FCRL1: variants seen among roughly 807,000 people sequenced by gnomAD.
FCRL1 encodes the protein Fc receptor like 1.
FCRL1 carries 34 observed loss-of-function variants against 49.2 expected under a neutral mutation model. That is an observed-to-expected ratio of 0.69 (90% CI 0.53 to 0.92). The LOEUF is 0.92. FCRL1 is among the 40% of genes least tolerant of loss of function. The pLI, the probability that FCRL1 is intolerant of heterozygous loss-of-function variation, is 0.00. For missense variants in FCRL1, 524 were observed against 524.1 expected, an observed-to-expected ratio of 1.00 and a Z score of 0.00; for synonymous variants, 218 against 201.6, an observed-to-expected ratio of 1.08 and a Z score of -0.69.
intron 1 of FCRL1, among the ~76,000 whole-genome samples, chr1:157,810,106 A>T (rs1654091361): frequency 6.6e-6 from 1 of 152,138 alleles, no homozygotes; most frequent in African/African-American, 2.4e-5. Context: ...TGATGCAGCA[A>T]CATGAAGATG....
rs1651200128 is a variant in FCRL1, at chr1:157,794,411, T to C, written c.*1688A>G. On this transcript the variant is annotated 3_prime_UTR_variant, in exon 11 of 11. Transcript: ENST00000368176. ...CAATTAAACCTCTTTCCTTTATAAATTACCCAGTCTTGGATATGTCTTTAT... is the reference window on the plus strand; with the variant it reads ...CAATTAAACCTCTTTCCTTTATAAACTACCCAGTCTTGGATATGTCTTTAT... The C allele has an allele frequency of 6.6e-6, 1 of 152,182 alleles. No homozygotes were observed. Among genetic ancestry groups the C allele is most frequent in the South Asian group, 2.1e-4 (1 of 4,830 alleles). The allele number at this position is 152,182 out of a possible 1,614,324, so 9.4% of individuals were successfully genotyped here.
In FCRL1 at chr1:157,802,374, T is replaced by C; in HGVS notation, c.607+3A>G. On this transcript the variant is annotated splice_donor_region_variant and intron_variant, in intron 4 of 10. Coordinates refer to ENST00000368176, the MANE Select transcript of FCRL1 (RefSeq NM_052938.5). ...TGGCTGAACGAAGGGTAGTGGAACT[T>C]ACTTCTGACAGTGATGCTCACCAGC... 1 of 1,613,602 alleles carries C rather than the reference T, an allele frequency of 6.2e-7. No individual in the cohort carries two copies. The highest frequency in any genetic ancestry group is 8.5e-7 in the Non-Finnish European group (1 of 1,179,660).
At position 157,801,591 on chromosome 1, in the gene FCRL1, C is replaced by A; in HGVS notation, c.887-14G>T. ...CCCCAGTAGGCACTAGAGGGAGAGA[C>A]CTGTGCATGATCTGCTCAGAGGAAG... On this transcript the variant is annotated splice_polypyrimidine_tract_variant and intron_variant, in intron 5 of 10. Transcript: ENST00000368176. The A allele has an allele frequency of 6.4e-7, 1 of 1,565,550 alleles. No homozygotes were observed. Among genetic ancestry groups the A allele is most frequent in the South Asian group, 1.1e-5 (1 of 89,930 alleles).
At chr1:157,817,857 T>C (rs1352027741) in intron 1 of FCRL1, among the ~76,000 whole-genome samples, 1 of 151,894 alleles carries the variant, frequency 6.6e-6, no homozygotes, top group Non-Finnish European at 1.5e-5. Flanking sequence ...AACAATGGTC[T>C]AATTCTCAAA....
chr1:157,814,024 C>T (rs1654705277), intron 1 of FCRL1, among the ~76,000 whole-genome samples: 1 of 152,086 alleles, frequency 6.6e-6, no homozygotes, highest in Admixed American at 6.5e-5. Context: ...AACTCTCACC[C>T]ACACAAGCAA....
intron 6 of FCRL1, 39 bp from the exon 7 acceptor site, chr1:157,800,124 A>C: frequency 1.9e-6 from 3 of 1,607,412 alleles, no homozygotes; most frequent in Non-Finnish European, 2.6e-6. Context: ...TAAATGGAAG[A>C]ACCCTCACTG....
In FCRL1 at chr1:157,818,662, GA is replaced by G. The variant is rs1294901253; in HGVS notation, c.31+1344del. On this transcript the variant is annotated intron_variant, in intron 1 of 10. Transcript: ENST00000368176. ...AGGGGTGAGGATAGGTGAGGCGTTG[GA>G]AAAAAAATTGGGGATGCCTGCTAGT... is the stretch of plus-strand genomic sequence containing the variant. Among the ~76,000 whole-genome samples the G allele has an allele frequency of 3.3e-5, 5 of 151,848 alleles. No individual in the cohort carries two copies. In the South Asian group the frequency reaches 6.2e-4, roughly 19 times the overall value.
Position 157,797,137 on chromosome 1 carries a change from G to A in FCRL1, c.1187-5C>T. On this transcript the variant is annotated splice_region_variant and splice_polypyrimidine_tract_variant and intron_variant, in intron 9 of 10. Coordinates refer to ENST00000368176, the MANE Select transcript of FCRL1 (RefSeq NM_052938.5). ...TATGTGTCCCCAGGGTTTCTGCTGT[G>A]GAGAAAAGACAAGTGCTGTGACATT... is the stretch of plus-strand genomic sequence containing the variant. The A allele has an allele frequency of 6.2e-7, 1 of 1,613,780 alleles. No homozygotes were observed. Among genetic ancestry groups the A allele is most frequent in the Non-Finnish European group, 8.5e-7 (1 of 1,179,706 alleles).
At chr1:157,810,337 C>T (rs376539465) in intron 1 of FCRL1, among the ~76,000 whole-genome samples, 251 of 151,144 alleles carry the variant, frequency 1.7e-3, no homozygotes, top group South Asian at 5.2e-3. Context: ...CTTTCTGCCA[C>T]CCAGGCTGGA....
chr1:157,807,280 C>T (rs995564461), intron 1 of FCRL1, among the ~76,000 whole-genome samples, 158 bp from the exon 2 acceptor site: 5 of 151,830 alleles, frequency 3.3e-5, no homozygotes, highest in African/African-American at 7.3e-5. Flanking sequence ...CTCTCTTCTC[C>T]CCTTCCTTCT....
intron 7 of FCRL1, among the ~76,000 whole-genome samples, chr1:157,799,330 A>G (rs946012940): frequency 2.0e-5 from 3 of 152,072 alleles, no homozygotes; most frequent in Non-Finnish European, 4.4e-5. Context: ...TGCAGTGGTC[A>G]GTATGGCCAT....
intron 2 of FCRL1, among the ~76,000 whole-genome samples, chr1:157,805,038 T>G (rs1455219772): frequency 6.6e-6 from 1 of 152,118 alleles, no homozygotes; most frequent in Non-Finnish European, 1.5e-5. Context: ...TTTATTTATT[T>G]TTTGTAGAGA....
At chr1:157,799,997 A>T in intron 7 of FCRL1, 61 bp downstream of exon 7, 8 of 1,516,700 alleles carry the variant, frequency 5.3e-6, no homozygotes, top group Non-Finnish European at 7.2e-6. Context: ...AACAAATCTA[A>T]ATCTATTTTT....
chr1:157,801,839 A>G, intron 5 of FCRL1, 76 bp downstream of exon 5: 4 of 1,525,352 alleles, frequency 2.6e-6, no homozygotes, highest in Non-Finnish European at 3.5e-6. Flanking sequence ...CCGGAAGCAC[A>G]GTGGCACCAG....
intron 9 of FCRL1, chr1:157,797,651 G>T: frequency 1.6e-6 from 2 of 1,231,704 alleles, no homozygotes; most frequent in South Asian, 1.3e-5. Context: ...TAAGAAATTT[G>T]ACAGCCCATC....
chr1:157,807,051 A>C lies in FCRL1; in HGVS notation c.52+51T>G, dbSNP rs761202068. The stretch of plus-strand genomic sequence containing the variant: ...ATCTGCAGGCCTCCTGTGCTGACCT[A>C]AGTAACAAAATACCCACAGACCTTG... On this transcript the variant is annotated intron_variant, in intron 2 of 10. Coordinates refer to ENST00000368176, the MANE Select transcript of FCRL1 (RefSeq NM_052938.5). The C allele has an allele frequency of 3.7e-6, 6 of 1,610,360 alleles. No homozygotes were observed. In the South Asian group the frequency reaches 6.6e-5, roughly 18 times the overall value.
intron 10 of FCRL1, among the ~76,000 whole-genome samples, chr1:157,796,379 A>G (rs901635448): frequency 1.3e-5 from 2 of 152,246 alleles, no homozygotes; most frequent in African/African-American, 4.8e-5. Flanking sequence ...GATAAGCTGC[A>G]AACTGATGCA....
At chr1:157,814,957 G>A (rs1042707391) in intron 1 of FCRL1, among the ~76,000 whole-genome samples, 9 of 151,780 alleles carry the variant, frequency 5.9e-5, no homozygotes, top group South Asian at 4.1e-4. Context: ...AATATATAAA[G>A]CAAATATTAT....
intron 2 of FCRL1, chr1:157,806,623 T>G (rs1653493354): frequency 6.5e-6 from 1 of 153,380 alleles, no homozygotes; most frequent in African/African-American, 2.4e-5. Context: ...ACTACTTCAT[T>G]CCACACATGT....
Sources: gnomAD v4.1 joint callset for allele counts (sites outside exome capture counted in the v4.1 genomes callset) on GRCh38, gnomAD v4.1.1 for gene constraint, MANE v1.5 for transcripts, NCBI Gene and HGNC (gene_info 2026-07-23, HGNC 2026-07-21) for gene names.